Variants in GPR155 observed in about 807,000 individuals in gnomAD.
GPR155 encodes lysosomal cholesterol signaling protein.
GPR155 carries 65 observed loss-of-function variants against 93.1 expected under a neutral mutation model. The observed-to-expected ratio is 0.70, with a 90% CI of 0.57 to 0.86. The LOEUF is 0.86. GPR155 is among the 40% of genes least tolerant of loss of function. GPR155 has a pLI of 0.00. For synonymous variants in GPR155, 319 were observed against 360.1 expected, an observed-to-expected ratio of 0.89 and a Z score of 1.29; for missense variants, 838 against 1,034.8, an observed-to-expected ratio of 0.81 and a Z score of 2.61.
At position 174,432,569 on chromosome 2, in the gene GPR155, A is replaced by G. The variant is rs1050080047; in HGVS notation, c.*3547T>C. Reference sequence around the variant, plus strand: ...CTAGAAAAATCTCCTGGTAACAGCAATGAGGCCTTAGACTTACCCTTGAGC... The same window carrying G: ...CTAGAAAAATCTCCTGGTAACAGCAGTGAGGCCTTAGACTTACCCTTGAGC... On this transcript the variant is annotated 3_prime_UTR_variant, in exon 16 of 16. Coordinates refer to ENST00000392552, the MANE Select transcript of GPR155 (RefSeq NM_152529.7). 6.6e-5 allele frequency: 10 copies of G among 152,174 alleles called. No homozygotes were observed. Among genetic ancestry groups the G allele is most frequent in the African/African-American group, 9.7e-5 (4 of 41,444 alleles). 9.4% of individuals were successfully genotyped at this position (152,174 alleles called of 1,614,324 possible).
intron 13 of GPR155, 42 bp from the exon 14 acceptor site, chr2:174,442,225 T>C: frequency 9.5e-7 from 1 of 1,056,562 alleles, no homozygotes; most frequent in Non-Finnish European, 1.5e-6. Context: ...AATTCAACAA[T>C]AACATTTTAA....
At chr2:174,439,197 AC>A (rs1404357317) in intron 15 of GPR155, among the ~76,000 whole-genome samples, 1 of 145,876 alleles carries the variant, frequency 6.9e-6, no homozygotes, top group Admixed American at 6.7e-5. Context: ...GAATTTTCAT[AC>A]ATTTCATATT....
At chr2:174,470,336 A>G in intron 4 of GPR155, 54 bp downstream of exon 4, 1 of 1,369,462 alleles carries the variant, frequency 7.3e-7, no homozygotes, top group Non-Finnish European at 9.9e-7. Context: ...AATGAATTTA[A>G]AAATTTTTTT....
chr2:174,468,874 C>T, intron 5 of GPR155, 38 bp downstream of exon 5: 1 of 1,553,648 alleles, frequency 6.4e-7, no homozygotes, highest in Non-Finnish European at 8.9e-7. Context: ...AAAACTCATT[C>T]TGTGGTTTCC....
chr2:174,472,844 A>G, intron 3 of GPR155, 121 bp downstream of exon 3: 1 of 728,614 alleles, frequency 1.4e-6, no homozygotes, highest in African/African-American at 1.8e-5. Flanking sequence ...TCTCACAACT[A>G]TTCTACAAGG....
chr2:174,447,650 ATATATAT>A (rs1231794924), intron 11 of GPR155, among the ~76,000 whole-genome samples: 1 of 146,302 alleles, frequency 6.8e-6, no homozygotes, highest in Non-Finnish European at 1.5e-5. Context: ...TAAATATATA[ATATATAT>A]TAGATATTAT....
intron 12 of GPR155, 135 bp from the exon 13 acceptor site, chr2:174,445,311 A>G (rs187583270): frequency 1.2e-5 from 7 of 595,918 alleles, no homozygotes; most frequent in South Asian, 2.1e-5. Flanking sequence ...CTGAGAGAAT[A>G]TAGAGGCTTT....
intron 11 of GPR155, among the ~76,000 whole-genome samples, chr2:174,452,076 A>G (rs1218765537): frequency 2.0e-5 from 3 of 152,224 alleles, no homozygotes; most frequent in Admixed American, 6.5e-5. Context: ...TACTAGGTAT[A>G]TTGTGTAGGG....
At position 174,465,885 on chromosome 2, in the gene GPR155, TC is replaced by T; in HGVS notation, c.1283del (p.Gly428GlufsTer2). ...LLIAQSIVCA[G>X]MMIWNFVKEK... ...CTTTAACAAAATTCCATATCATCAT[TC>T]CAGCACAGACAATAGACTAAGGAAA... On this transcript the variant is annotated frameshift_variant, in exon 7 of 16. Transcript: ENST00000392552. LOFTEE classifies it high-confidence loss of function. The T allele has an allele frequency of 1.3e-6, 2 of 1,568,128 alleles. No individual in the cohort carries two copies. Among genetic ancestry groups the T allele is most frequent in the Non-Finnish European group, 8.8e-7 (1 of 1,139,956 alleles).
intron 5 of GPR155, among the ~76,000 whole-genome samples, chr2:174,467,628 GT>G (rs1252870838): frequency 1.3e-5 from 2 of 152,174 alleles, no homozygotes; most frequent in Non-Finnish European, 1.5e-5. Flanking sequence ...ACTATTCTAA[GT>G]TTTTTTCCTT....
At chr2:174,463,525 A>G (rs1393375093) in intron 7 of GPR155, among the ~76,000 whole-genome samples, 1 of 152,186 alleles carries the variant, frequency 6.6e-6, no homozygotes, top group Non-Finnish European at 1.5e-5. Flanking sequence ...GTTTTATATT[A>G]AGTTTGAGTC....
intron 11 of GPR155, among the ~76,000 whole-genome samples, chr2:174,447,005 TTATC>T (rs1240024231): frequency 6.6e-6 from 1 of 152,172 alleles, no homozygotes; most frequent in Non-Finnish European, 1.5e-5. Context: ...ATATATATAA[TTATC>T]TAACATAAGT....
intron 15 of GPR155, among the ~76,000 whole-genome samples, chr2:174,436,744 T>C (rs990412496): frequency 2.6e-5 from 4 of 152,260 alleles, no homozygotes; most frequent in Non-Finnish European, 5.9e-5. Context: ...CTGTAATAGC[T>C]GAATATGACA....
chr2:174,433,955 T>G lies in GPR155; in HGVS notation c.*2161A>C, dbSNP rs1184375294. ...AAAAGACTAAATTCTAAATGTAATC[T>G]TTAGAATTTTTTTTTTTTTTTCTGA... On this transcript the variant is annotated 3_prime_UTR_variant, in exon 16 of 16. Coordinates refer to ENST00000392552, the MANE Select transcript of GPR155 (RefSeq NM_152529.7). The G allele has an allele frequency of 6.6e-6, 1 of 151,904 alleles. No individual in the cohort carries two copies. The highest frequency in any genetic ancestry group is 1.5e-5 in the Non-Finnish European group (1 of 67,992). The allele number at this position is 151,904 out of a possible 1,614,324, so 9.4% of individuals were successfully genotyped here. A position where few individuals can be genotyped will look rare whatever the true frequency, so the allele number is the denominator to read the frequency against.
chr2:174,440,529 C>T (rs979251052), intron 14 of GPR155, among the ~76,000 whole-genome samples: 29 of 152,148 alleles, frequency 1.9e-4, no homozygotes, highest in African/African-American at 7.0e-4. Flanking sequence ...ACCCAGTCAA[C>T]AAATGAAGCT....
At chr2:174,479,418 C>A (rs1412179106) in intron 2 of GPR155, among the ~76,000 whole-genome samples, 1 of 152,092 alleles carries the variant, frequency 6.6e-6, no homozygotes, top group Admixed American at 6.6e-5. Context: ...TAAGAGAGTG[C>A]CCAGGATTTG....
intron 10 of GPR155, among the ~76,000 whole-genome samples, chr2:174,458,641 T>C (rs1687592157): frequency 9.9e-5 from 15 of 152,204 alleles, no homozygotes; most frequent in Admixed American, 9.8e-4. Flanking sequence ...TCTGCCATTA[T>C]AGCATGAAGG....
intron 14 of GPR155, 71 bp from the exon 15 acceptor site, chr2:174,440,106 C>T (rs1002827723): frequency 7.6e-7 from 1 of 1,309,340 alleles, no homozygotes. Context: ...TGCCTTATCA[C>T]CCCATCAAAA....
intron 10 of GPR155, among the ~76,000 whole-genome samples, chr2:174,456,538 G>T (rs535692173): frequency 1.4e-4 from 21 of 152,024 alleles, no homozygotes; most frequent in African/African-American, 5.1e-4. Flanking sequence ...CCTGAGCTTA[G>T]GCAATTCACC....
Sources: allele counts gnomAD v4.1 joint callset (sites outside exome capture counted in the v4.1 genomes callset), GRCh38; gene constraint gnomAD v4.1.1; transcripts MANE v1.5; gene names NCBI Gene and HGNC (gene_info 2026-07-23, HGNC 2026-07-21).